CHST9: variants seen among roughly 807,000 people sequenced by gnomAD.
CHST9 encodes the protein carbohydrate sulfotransferase 9, also known as GalNAc-4-sulfotransferase 2.
A neutral mutation model predicts 44.4 loss-of-function variants in CHST9; 41 were observed. The observed-to-expected ratio is 0.92, with a 90% CI of 0.72 to 1.20. The LOEUF (loss-of-function observed/expected upper bound fraction) is 1.20, where lower values mean the gene tolerates loss of function less well. Ranked by LOEUF, CHST9 falls within the 50% of genes most tolerant of loss-of-function variation. The pLI, the probability that CHST9 is intolerant of heterozygous loss-of-function variation, is 0.00. For synonymous variants in CHST9, 171 were observed against 178.4 expected (o/e 0.96, Z 0.33); for missense variants, 504 against 516.5 (o/e 0.98, Z 0.23).
intron 1 of CHST9, among the ~76,000 whole-genome samples, chr18:27,143,547 C>T (rs2058586185): frequency 6.6e-6 from 1 of 152,068 alleles, no homozygotes; most frequent in Non-Finnish European, 1.5e-5. Flanking sequence ...AAATACTGAA[C>T]AGATTTTCTT....
chr18:27,022,648 T>G (rs193113), intron 4 of CHST9, among the ~76,000 whole-genome samples: 4 of 152,208 alleles, frequency 2.6e-5, no homozygotes, highest in Non-Finnish European at 5.9e-5. Flanking sequence ...TCTCCATGCT[T>G]TTGCTTGTAC....
intron 4 of CHST9, among the ~76,000 whole-genome samples, chr18:26,975,154 G>T (rs1057236311): frequency 2.0e-5 from 3 of 152,016 alleles, no homozygotes; most frequent in Non-Finnish European, 4.4e-5. Context: ...ATTAGATAAG[G>T]TTCTCCTGAG....
intron 2 of CHST9, among the ~76,000 whole-genome samples, chr18:27,111,594 A>G (rs997034453): frequency 6.6e-6 from 1 of 152,226 alleles, no homozygotes. Flanking sequence ...AACTTAAAAC[A>G]GTTCAAGATC....
intron 4 of CHST9, among the ~76,000 whole-genome samples, chr18:26,949,886 A>G (rs1183243405): frequency 2.0e-5 from 3 of 152,218 alleles, no homozygotes; most frequent in Non-Finnish European, 1.5e-5. Context: ...CCATTGCTGA[A>G]GAGGGCTGTG....
At chr18:26,944,422 C>T (rs1044768801) in intron 4 of CHST9, 56 bp from the exon 5 acceptor site, 66 of 1,232,602 alleles carry the variant, frequency 5.4e-5, no homozygotes, top group East Asian at 1.9e-4. Context: ...GAATAAAATG[C>T]GGTACTGATG....
chr18:27,053,130 GGAAGAAGAAGAAGAAGAAGAA>G lies in CHST9; in HGVS notation c.122-4648_122-4628del, dbSNP rs200427246. On this transcript the variant is annotated intron_variant, in intron 2 of 5. Coordinates refer to ENST00000618847, the MANE Select transcript of CHST9 (RefSeq NM_031422.6). ...AAGAAGAAGAGGAGGAGGAAGAAGA[GGAAGAAGAAGAAGAAGAAGAA>G]GAAGAAGAAGAAGAAGAAGAAGAAG... Among the ~76,000 whole-genome samples the G allele has an allele frequency of 1.9e-3, 133 of 71,220 alleles. 1 individual carries two copies. Among genetic ancestry groups the G allele is most frequent in the African/African-American group, 3.9e-3 (70 of 17,858 alleles). The allele number at this position is 71,220 out of a possible 152,430, so 46.7% of individuals were successfully genotyped here.
chr18:27,021,993 T>A (rs2057232310), intron 4 of CHST9, among the ~76,000 whole-genome samples: 1 of 152,176 alleles, frequency 6.6e-6, no homozygotes, highest in Admixed American at 6.5e-5. Flanking sequence ...CTTGTCCCTG[T>A]TTTATAAACA....
intron 4 of CHST9, 43 bp from the exon 5 acceptor site, chr18:26,944,409 A>G: frequency 7.3e-7 from 1 of 1,377,832 alleles, no homozygotes; most frequent in Non-Finnish European, 1.0e-6. Context: ...AAAGCATGAA[A>G]ATGAATAAAA....
intron 2 of CHST9, among the ~76,000 whole-genome samples, chr18:27,092,194 T>G (rs2058075679): frequency 6.6e-6 from 1 of 152,228 alleles, no homozygotes; most frequent in African/African-American, 2.4e-5. Flanking sequence ...GTCCAGGAAT[T>G]TATCCATTTC....
intron 2 of CHST9, among the ~76,000 whole-genome samples, chr18:27,136,474 C>T (rs928041519): frequency 3.3e-5 from 5 of 152,166 alleles, no homozygotes; most frequent in Non-Finnish European, 5.9e-5. Context: ...CTCTACAATG[C>T]TCACCATCTC....
intron 2 of CHST9, among the ~76,000 whole-genome samples, chr18:27,057,593 G>A (rs998958462): frequency 1.3e-5 from 2 of 152,202 alleles, no homozygotes; most frequent in Admixed American, 6.5e-5. Context: ...GGCAAAGAGA[G>A]CCATTATGAG....
intron 2 of CHST9, among the ~76,000 whole-genome samples, chr18:27,051,410 C>A (rs1232838825): frequency 6.6e-6 from 1 of 152,118 alleles, no homozygotes; most frequent in African/African-American, 2.4e-5. Flanking sequence ...CAAAGCAGGA[C>A]CCCATCTCAA....
At chr18:27,103,843 C>G (rs2058196636) in intron 2 of CHST9, among the ~76,000 whole-genome samples, 1 of 152,126 alleles carries the variant, frequency 6.6e-6, no homozygotes, top group South Asian at 2.1e-4. Flanking sequence ...TCTCACATAG[C>G]TGTTTATAAA....
intron 4 of CHST9, among the ~76,000 whole-genome samples, chr18:26,974,608 T>C (rs1348705188): frequency 2.6e-5 from 4 of 152,152 alleles, no homozygotes; most frequent in African/African-American, 9.7e-5. Flanking sequence ...TCATCCATGA[T>C]CTCATCCGGT....
At chr18:27,143,933 C>T (rs1002337593) in intron 1 of CHST9, among the ~76,000 whole-genome samples, 23 of 151,988 alleles carry the variant, frequency 1.5e-4, no homozygotes, top group African/African-American at 5.6e-4. Context: ...ACGTTCTGCA[C>T]GTGTATCCCA....
At chr18:27,042,388 G>A (rs1644095582) in intron 3 of CHST9, among the ~76,000 whole-genome samples, 1 of 152,066 alleles carries the variant, frequency 6.6e-6, no homozygotes, top group Non-Finnish European at 1.5e-5. Flanking sequence ...ACCCTGGTTT[G>A]TAGTGTTTGC....
At chr18:27,134,493 G>T (rs933067842) in intron 2 of CHST9, among the ~76,000 whole-genome samples, 4 of 152,080 alleles carry the variant, frequency 2.6e-5, no homozygotes, top group Admixed American at 6.5e-5. Context: ...ACAAAAACTA[G>T]TACAAGTCAC....
intron 4 of CHST9, among the ~76,000 whole-genome samples, chr18:26,961,897 C>T (rs1379675523): frequency 1.4e-4 from 21 of 152,152 alleles, no homozygotes; most frequent in Admixed American, 1.4e-3. Context: ...ACCATTCATA[C>T]CTGGTTTGAA....
At position 26,914,865 on chromosome 18, in the gene CHST9, A is replaced by G; in HGVS notation, c.*1394T>C. On this transcript the variant is annotated 3_prime_UTR_variant, in exon 6 of 6. Transcript: ENST00000618847. Reference sequence around the variant, plus strand: ...GCTTAGGAAGAGGAAGATGTTCAGGAAAAGCATTTAAGCAGGGTTTGAAAG... The same window carrying G: ...GCTTAGGAAGAGGAAGATGTTCAGGGAAAGCATTTAAGCAGGGTTTGAAAG... The G allele has an allele frequency of 2.5e-6, 1 of 397,696 alleles. No individual in the cohort carries two copies. The highest frequency in any genetic ancestry group is 3.6e-5 in the East Asian group (1 of 27,994). 24.6% of individuals were successfully genotyped at this position (397,696 alleles called of 1,614,324 possible).
Sources: gnomAD v4.1 joint callset for allele counts (sites outside exome capture counted in the v4.1 genomes callset) on GRCh38, gnomAD v4.1.1 for gene constraint, MANE v1.5 for transcripts, NCBI Gene and HGNC (gene_info 2026-07-23, HGNC 2026-07-21) for gene names.